Variants in CMIP observed in about 807,000 individuals in gnomAD.
CMIP encodes C-Maf-inducing protein.
CMIP carries 13 observed loss-of-function variants against 97.3 expected under a neutral mutation model. The ratio of observed to expected loss-of-function variants is 0.13; its 90% confidence interval spans 0.09 to 0.21. The LOEUF (loss-of-function observed/expected upper bound fraction) is 0.21. Among genes scored for constraint, CMIP ranks in the 10% least tolerant of loss-of-function variants. The pLI is 1.00. For synonymous variants in CMIP, 538 were observed against 436.3 expected (o/e 1.23, Z -2.91); for missense variants, 847 against 1,024.9 (o/e 0.83, Z 2.37).
intron 1 of CMIP, chr16:81,476,306 C>G: frequency 5.2e-6 from 8 of 1,551,428 alleles, no homozygotes; most frequent in Non-Finnish European, 7.1e-6. Context: ...CCACCAGTGC[C>G]ATTACGGCGT....
chr16:81,588,004 C>T (rs953854617), intron 1 of CMIP, among the ~76,000 whole-genome samples: 1 of 152,174 alleles, frequency 6.6e-6, no homozygotes, highest in Non-Finnish European at 1.5e-5. Flanking sequence ...TGAAACACAC[C>T]GTCTAAGGCT....
chr16:81,577,590 A>G (rs1406006770), intron 1 of CMIP, among the ~76,000 whole-genome samples: 6 of 146,588 alleles, frequency 4.1e-5, no homozygotes, highest in Admixed American at 6.7e-5. Flanking sequence ...CATCACCACC[A>G]TCATCCCCAT....
In CMIP at chr16:81,710,435, CCGCCCCCA is replaced by C. The variant is rs1447760518; in HGVS notation, c.*638_*645del. Reference sequence around the variant, plus strand: ...CCCCCCGCCCGACCCCACCGCCCTCCCGCCCCCACCTGGCGTGTAGTACTGTATAAACC... The same window carrying C: ...CCCCCCGCCCGACCCCACCGCCCTCCCCTGGCGTGTAGTACTGTATAAACC... On this transcript the variant is annotated 3_prime_UTR_variant, in exon 21 of 21. Transcript: ENST00000537098. 5 of 153,668 alleles carry C rather than the reference CCGCCCCCA, an allele frequency of 3.3e-5. No homozygotes were observed. The highest frequency in any genetic ancestry group is 1.2e-4 in the African/African-American group (5 of 40,840). The allele number at this position is 153,668 out of a possible 1,614,324, so 9.5% of individuals were successfully genotyped here. A position where few individuals can be genotyped will look rare whatever the true frequency, so the allele number is the denominator to read the frequency against.
chr16:81,445,385 C>T lies in CMIP; in HGVS notation c.144C>T (p.Asn48=), dbSNP rs1395377523. ...VPCRRALLLC[N]GMRYKLLQEG... is the part of the protein sequence containing the mutation. ...GCCGCCGGGCTCTTCTGCTTTGCAA[C>T]GGGATGAGGTACAAACTGCTGCAGG... The change falls in exon 1 of 21, where the codon AAC becomes AAT. Residue 48 remains asparagine, a synonymous_variant. Coordinates refer to ENST00000537098, the MANE Select transcript of CMIP (RefSeq NM_198390.3). The T allele has an allele frequency of 2.5e-6, 4 of 1,605,896 alleles. No individual in the cohort carries two copies. In the East Asian group the frequency reaches 6.8e-5, roughly 27 times the overall value.
At chr16:81,696,500 G>T in intron 13 of CMIP, 60 bp from the exon 14 acceptor site, 1 of 1,502,434 alleles carries the variant, frequency 6.7e-7, no homozygotes, top group South Asian at 1.2e-5. Context: ...TGCAGATCAT[G>T]GTCGCCCTTG....
chr16:81,494,276 C>T (rs2089452426), intron 1 of CMIP, among the ~76,000 whole-genome samples: 1 of 152,208 alleles, frequency 6.6e-6, no homozygotes, highest in Non-Finnish European at 1.5e-5. Flanking sequence ...CAGCCCAGTG[C>T]TGGAGGGACG....
At chr16:81,702,583 G>C (rs1256303254) in intron 16 of CMIP, 39 bp from the exon 17 acceptor site, 1 of 1,601,720 alleles carries the variant, frequency 6.2e-7, no homozygotes, top group Non-Finnish European at 8.5e-7. Context: ...GGAAACTTGG[G>C]GAAAAGAATG....
intron 1 of CMIP, among the ~76,000 whole-genome samples, chr16:81,462,505 A>T (rs75204627): frequency 1.0e-5 from 1 of 95,276 alleles, no homozygotes; most frequent in Non-Finnish European, 2.5e-5. Flanking sequence ...TGTAAGTGAT[A>T]AAAAAAAAAA....
Position 81,646,248 on chromosome 16 carries a change from GTGGA to G in CMIP, c.478-5927_478-5924del, listed in dbSNP as rs142200346. Among the ~76,000 whole-genome samples the G allele has an allele frequency of 2.2e-3, 189 of 85,960 alleles. 2 individuals carry two copies. Among genetic ancestry groups the G allele is most frequent in the South Asian group, 5.2e-3 (12 of 2,296 alleles). The allele number at this position is 85,960 out of a possible 152,430, so 56.4% of individuals were successfully genotyped here. ...AATGGATGGATGGGTGGGCGGGTGG[GTGGA>G]TGGATGGATGGATGGATGGATGGAT... On this transcript the variant is annotated intron_variant, in intron 3 of 20. Coordinates refer to ENST00000537098, the MANE Select transcript of CMIP (RefSeq NM_198390.3).
At chr16:81,538,348 T>C (rs1026847257) in intron 1 of CMIP, among the ~76,000 whole-genome samples, 1 of 152,198 alleles carries the variant, frequency 6.6e-6, no homozygotes, top group Non-Finnish European at 1.5e-5. Context: ...GCATAAACAC[T>C]GAGAGAAGGC....
intron 1 of CMIP, among the ~76,000 whole-genome samples, chr16:81,481,758 G>A (rs1193460794): frequency 6.6e-6 from 1 of 152,128 alleles, no homozygotes; most frequent in Non-Finnish European, 1.5e-5. Context: ...AAGCCTAAGG[G>A]AAGGGTCTGT....
At chr16:81,689,862 T>C (rs1905851920) in intron 10 of CMIP, among the ~76,000 whole-genome samples, 1 of 152,238 alleles carries the variant, frequency 6.6e-6, no homozygotes, top group African/African-American at 2.4e-5. Context: ...CAGTTTCAGC[T>C]TTCTACATAT....
chr16:81,474,062 G>C (rs1344521950), intron 1 of CMIP, among the ~76,000 whole-genome samples: 1 of 152,082 alleles, frequency 6.6e-6, no homozygotes, highest in African/African-American at 2.4e-5. Flanking sequence ...AGCAGAGGCA[G>C]GCCTTTAACC....
chr16:81,472,313 G>A lies in CMIP; in HGVS notation c.300+26772G>A, dbSNP rs115103154. On this transcript the variant is annotated intron_variant, in intron 1 of 20. Transcript: ENST00000537098. ...GTCAGGATTCCATGAGAGGATGTATGAACCAACTTGAGAGCAAGGCTCAGA... is the reference window on the plus strand; with the variant it reads ...GTCAGGATTCCATGAGAGGATGTATAAACCAACTTGAGAGCAAGGCTCAGA... Among the ~76,000 whole-genome samples, 1,080 of 152,346 alleles carry A rather than the reference G, an allele frequency of 7.1e-3. 13 individuals carry two copies. The highest frequency in any genetic ancestry group is 0.025 in the African/African-American group (1,030 of 41,580).
chr16:81,613,321 A>G (rs1361594846), intron 2 of CMIP, among the ~76,000 whole-genome samples: 1 of 142,258 alleles, frequency 7.0e-6, no homozygotes, highest in Non-Finnish European at 1.5e-5. Flanking sequence ...GGGAATCCAG[A>G]GGAGCTCAGA....
intron 1 of CMIP, among the ~76,000 whole-genome samples, chr16:81,556,621 G>A (rs895508977): frequency 2.0e-5 from 3 of 152,182 alleles, no homozygotes; most frequent in Non-Finnish European, 4.4e-5. Context: ...GTTGGTGTTC[G>A]ATGGGGACAG....
intron 3 of CMIP, among the ~76,000 whole-genome samples, chr16:81,625,158 C>G (rs1179675874): frequency 2.6e-5 from 4 of 152,240 alleles, no homozygotes; most frequent in African/African-American, 9.6e-5. Flanking sequence ...TCCCAGCCCT[C>G]CCGGCCTGGC....
chr16:81,674,540 GC>G (rs2092711162), intron 9 of CMIP, among the ~76,000 whole-genome samples: 1 of 152,324 alleles, frequency 6.6e-6, no homozygotes, highest in South Asian at 2.1e-4. Flanking sequence ...GCTTGAAGTA[GC>G]TGTGGTGAGT....
intron 1 of CMIP, among the ~76,000 whole-genome samples, chr16:81,524,267 G>T (rs1443104355): frequency 6.6e-6 from 1 of 152,230 alleles, no homozygotes; most frequent in Non-Finnish European, 1.5e-5. Context: ...CACCTCCTCT[G>T]TAGTGGGCTC....
Sources: gnomAD v4.1 joint callset for allele counts (sites outside exome capture counted in the v4.1 genomes callset) on GRCh38, gnomAD v4.1.1 for gene constraint, MANE v1.5 for transcripts, NCBI Gene and HGNC (gene_info 2026-07-23, HGNC 2026-07-21) for gene names.